The following DZIP1 variants were observed in gnomAD, a reference collection of about 807,000 sequenced individuals.
DZIP1 encodes DAZ interacting zinc finger protein 1, also known as cilium assembly protein DZIP1.
A neutral mutation model predicts 107.6 loss-of-function variants in DZIP1; 97 were observed. The ratio of observed to expected loss-of-function variants is 0.90; its 90% CI spans 0.77 to 1.07. DZIP1 has a LOEUF of 1.07. DZIP1 is among the 50% of genes least tolerant of loss of function. The pLI is 0.00. For synonymous variants in DZIP1, 390 were observed against 386.4 expected, an observed-to-expected ratio of 1.01 and a Z score of -0.11; for missense variants, 1,035 against 1,063.6, an observed-to-expected ratio of 0.97 and a Z score of 0.37.
intron 7 of DZIP1, among the ~76,000 whole-genome samples, chr13:95,629,339 G>C (rs1876921772): frequency 6.6e-6 from 1 of 152,208 alleles, no homozygotes; most frequent in Admixed American, 6.5e-5. Context: ...TTTCCTCTTG[G>C]GCCCTTCATC....
chr13:95,637,934 A>T (rs564714302), intron 5 of DZIP1, among the ~76,000 whole-genome samples: 1 of 152,154 alleles, frequency 6.6e-6, no homozygotes, highest in Non-Finnish European at 1.5e-5. Flanking sequence ...AAAATATTTT[A>T]TATGTTCATA....
chr13:95,626,002 C>T (rs1017600472), intron 7 of DZIP1, among the ~76,000 whole-genome samples: 6 of 151,730 alleles, frequency 4.0e-5, no homozygotes, highest in South Asian at 2.1e-4. Flanking sequence ...TATGGTGGTA[C>T]GTGCCTGTAA....
At chr13:95,595,756 T>C (rs1241743177) in intron 15 of DZIP1, among the ~76,000 whole-genome samples, 1 of 152,072 alleles carries the variant, frequency 6.6e-6, no homozygotes, top group African/African-American at 2.4e-5. Flanking sequence ...TTTTGGCCAA[T>C]ATCTCAGATA....
chr13:95,629,045 G>C (rs111990359), intron 7 of DZIP1, among the ~76,000 whole-genome samples: 16 of 152,314 alleles, frequency 1.1e-4, no homozygotes, highest in African/African-American at 3.6e-4. Context: ...GAAAGAGAAA[G>C]AGTGAGCCCA....
intron 9 of DZIP1, among the ~76,000 whole-genome samples, chr13:95,621,439 G>A (rs1439199240): frequency 6.6e-6 from 1 of 152,146 alleles, no homozygotes; most frequent in African/African-American, 2.4e-5. Flanking sequence ...TTTGGGTCAG[G>A]GAGGAAACAT....
rs1390654618 is a variant in DZIP1 at position 95,641,534 on chromosome 13, G to C, written c.358C>G (p.Leu120Val). ...ATGGTGAACTGCGCCAGACGGATGA[G>C]CTTCAGCAGCACCGGGTCCACCCCC... Reference protein sequence around the residue: ...QSGVDPVLLKLIRLAQFTIEY... With the variant: ...QSGVDPVLLKVIRLAQFTIEY... Residue 120 changes from leucine to valine, a missense_variant, in exon 5 of 23, where the codon CTC (leucine) becomes GTC (valine). Leu to Val is a conservative substitution (Grantham distance 32, BLOSUM62 1). Coordinates refer to ENST00000376829, the MANE Select transcript of DZIP1 (RefSeq NM_198968.4). The surrounding 1 kb of genome is among the most constrained non-coding windows in gnomAD (Gnocchi z 4.3). 1 of 1,614,058 alleles carries C rather than the reference G, an allele frequency of 6.2e-7. No homozygotes were observed. Among genetic ancestry groups the C allele is most frequent in the Non-Finnish European group, 8.5e-7 (1 of 1,180,050 alleles).
At position 95,641,636 on chromosome 13, in the gene DZIP1, C is replaced by G; in HGVS notation, c.256G>C (p.Val86Leu). ...ATGATGTTCTCCTGCAGCGTCAGCACGTCCACAGCCCCCGCCACCTTGTCC... is the reference window on the plus strand; with the variant it reads ...ATGATGTTCTCCTGCAGCGTCAGCAGGTCCACAGCCCCCGCCACCTTGTCC... ...DVDKVAGAVDVLTLQENIMNI... is the reference protein window; with the variant it reads ...DVDKVAGAVDLLTLQENIMNI... Residue 86 changes from valine to leucine, a missense_variant, in exon 5 of 23, where the codon GTG becomes CTG. By Grantham distance (32) the Val-to-Leu change is conservative. Transcript: ENST00000376829. The surrounding 1 kb of genome is among the most constrained non-coding windows in gnomAD (Gnocchi z 4.3). The G allele has an allele frequency of 6.2e-7, 1 of 1,610,566 alleles. No homozygotes were observed. The highest frequency in any genetic ancestry group is 8.5e-7 in the Non-Finnish European group (1 of 1,180,022).
At chr13:95,615,176 C>T (rs1247775623) in intron 10 of DZIP1, among the ~76,000 whole-genome samples, 1 of 152,166 alleles carries the variant, frequency 6.6e-6, no homozygotes, top group Non-Finnish European at 1.5e-5. Flanking sequence ...TCACCTTCTT[C>T]CTCCATGACA....
chr13:95,630,625 G>T, intron 6 of DZIP1: 1 of 982,172 alleles, frequency 1.0e-6, no homozygotes. Flanking sequence ...TTGGGCCATA[G>T]TCTATCAACT....
At chr13:95,616,750 G>A (rs559556069) in intron 10 of DZIP1, among the ~76,000 whole-genome samples, 1 of 152,208 alleles carries the variant, frequency 6.6e-6, no homozygotes, top group East Asian at 1.9e-4. Context: ...GTGTGATGCT[G>A]TCCCTTGGTC....
At position 95,623,090 on chromosome 13, in the gene DZIP1, CA is replaced by C. The variant is rs141447271; in HGVS notation, c.973-611del. On this transcript the variant is annotated intron_variant, in intron 8 of 22. Coordinates refer to ENST00000376829, the MANE Select transcript of DZIP1 (RefSeq NM_198968.4). ...ATGGGCACTTAATAGGTACCAGAAACAGAAGAACTGAATGCACCTGGTTCTT... is the reference window on the plus strand; with the variant it reads ...ATGGGCACTTAATAGGTACCAGAAACGAAGAACTGAATGCACCTGGTTCTT... 6.9e-3 allele frequency among the ~76,000 whole-genome samples: 1,053 copies of C among 152,216 alleles called. 7 individuals are homozygous for C. The highest frequency in any genetic ancestry group is 0.024 in the African/African-American group (1,017 of 41,526).
At chr13:95,622,305 G>A in intron 9 of DZIP1, 38 bp downstream of exon 9, 1 of 1,612,914 alleles carries the variant, frequency 6.2e-7, no homozygotes, top group Non-Finnish European at 8.5e-7. Flanking sequence ...TAAGAAAAAG[G>A]AAGGCATCCA....
At chr13:95,592,483 C>T (rs2044335238) in intron 16 of DZIP1, among the ~76,000 whole-genome samples, 1 of 152,184 alleles carries the variant, frequency 6.6e-6, no homozygotes, top group Admixed American at 6.5e-5. Flanking sequence ...TTTAAAAAGA[C>T]TGACTGAGTT....
At chr13:95,607,990 T>C (rs1200942618) in intron 13 of DZIP1, among the ~76,000 whole-genome samples, 3 of 152,234 alleles carry the variant, frequency 2.0e-5, no homozygotes, top group African/African-American at 2.4e-5. Flanking sequence ...CACCTTGTGA[T>C]TTACTTTCTG....
intron 15 of DZIP1, among the ~76,000 whole-genome samples, chr13:95,597,902 G>C (rs191758434): frequency 6.6e-6 from 1 of 152,244 alleles, no homozygotes; most frequent in South Asian, 2.1e-4. Flanking sequence ...ACAAGTCAGC[G>C]TCTGTGGAAT....
intron 10 of DZIP1, 126 bp downstream of exon 10, chr13:95,619,759 T>C: frequency 1.3e-5 from 11 of 872,428 alleles, no homozygotes; most frequent in Non-Finnish European, 1.7e-5. Context: ...TTATAGGTAA[T>C]TTTAATTTTG....
intron 7 of DZIP1, among the ~76,000 whole-genome samples, chr13:95,625,367 C>G (rs1053389783): frequency 6.6e-6 from 1 of 152,192 alleles, no homozygotes; most frequent in Non-Finnish European, 1.5e-5. Flanking sequence ...AAGGTCAGCA[C>G]TTGATTTCTC....
In DZIP1 at chr13:95,584,759, T is replaced by A. The variant is rs2044112306; in HGVS notation, c.2501A>T (p.Asn834Ile). The A allele has an allele frequency of 6.2e-7, 1 of 1,613,918 alleles. No homozygotes were observed. Among genetic ancestry groups the A allele is most frequent in the African/African-American group, 1.3e-5 (1 of 74,920 alleles). ...ACCTTCTCCCTTTGGCCCCTTAGGATTAAATGCGCCCCAGGCATTTAGCAC... is the reference window on the plus strand; with the variant it reads ...ACCTTCTCCCTTTGGCCCCTTAGGAATAAATGCGCCCCAGGCATTTAGCAC... Reference protein sequence around the residue: ...AHVLNAWGAFNPKGPKGEGLQ... With the variant: ...AHVLNAWGAFIPKGPKGEGLQ... The change falls in exon 22 of 23, where the codon AAT becomes ATT. Residue 834 changes from asparagine to isoleucine, a missense_variant. By Grantham distance (149) the Asn-to-Ile change is moderately radical. Transcript: ENST00000376829.
At chr13:95,623,856 T>A (rs537148778) in intron 8 of DZIP1, among the ~76,000 whole-genome samples, 16 of 152,274 alleles carry the variant, frequency 1.1e-4, no homozygotes, top group African/African-American at 3.8e-4. Context: ...CGAGAATCAC[T>A]TGAACCCAGG....
Sources: allele counts gnomAD v4.1 joint callset (sites outside exome capture counted in the v4.1 genomes callset), GRCh38; gene constraint gnomAD v4.1.1; non-coding constraint Gnocchi (gnomAD v3.1); transcripts MANE v1.5; gene names NCBI Gene and HGNC (gene_info 2026-07-23, HGNC 2026-07-21).